Variants in PFKFB3 observed in about 807,000 individuals in gnomAD.
PFKFB3 encodes 6-phosphofructo-2-kinase/fructose-2,6-bisphosphatase 3.
In PFKFB3, 33 loss-of-function variants were observed where a neutral mutation model predicts 68.0. That is an observed-to-expected ratio of 0.49 (90% confidence interval 0.37 to 0.65). The LOEUF is 0.65. Among genes scored for constraint, PFKFB3 ranks in the 30% least tolerant of loss-of-function variants. The pLI is 0.00. For synonymous variants in PFKFB3, 315 were observed against 288.2 expected (o/e 1.09, Z -0.94); for missense variants, 586 against 712.2 (o/e 0.82, Z 2.02).
intron 1 of PFKFB3, among the ~76,000 whole-genome samples, chr10:6,172,883 G>A (rs1173141026): frequency 1.3e-5 from 2 of 151,984 alleles, no homozygotes; most frequent in Non-Finnish European, 2.9e-5. Context: ...AGAGCTAGAT[G>A]TTCCTGTGAC....
chr10:6,161,664 A>G (rs642264), intron 1 of PFKFB3, among the ~76,000 whole-genome samples: 98,068 of 151,108 alleles, frequency 0.65, 33,784 homozygotes, highest in Non-Finnish European at 0.79. Context: ...AGAGAATCTC[A>G]CTTTGTCACC....
chr10:6,225,588 C>T (rs910139023), intron 13 of PFKFB3, among the ~76,000 whole-genome samples: 5 of 152,252 alleles, frequency 3.3e-5, no homozygotes, highest in South Asian at 4.1e-4. Flanking sequence ...CACCCCATCA[C>T]GCTGTCCCTC....
rs1045045311 is a variant in PFKFB3 at position 6,228,472 on chromosome 10, C to T, written c.1515+2107C>T. On this transcript the variant is annotated intron_variant, in intron 14 of 14. Coordinates refer to ENST00000379775, the MANE Select transcript of PFKFB3 (RefSeq NM_004566.4). The surrounding 1 kb of genome is among the most constrained non-coding windows in gnomAD (Gnocchi z 4.5). Reference sequence around the variant, plus strand: ...ACCGCCGCACGACCGCTGGCTTCTCCCCTACCCTCTCAGGGCTGCAGGTCG... The same window carrying T: ...ACCGCCGCACGACCGCTGGCTTCTCTCCTACCCTCTCAGGGCTGCAGGTCG... Among the ~76,000 whole-genome samples, 1 of 152,048 alleles carries T rather than the reference C, an allele frequency of 6.6e-6. No homozygotes were observed. The highest frequency in any genetic ancestry group is 1.5e-5 in the Non-Finnish European group (1 of 68,000).
At chr10:6,249,911 T>C (rs953217780) in intron 14 of PFKFB3, among the ~76,000 whole-genome samples, 2 of 152,224 alleles carry the variant, frequency 1.3e-5, no homozygotes, top group African/African-American at 2.4e-5. Context: ...TTCCACATTG[T>C]ATTCATAAAT....
intron 1 of PFKFB3, among the ~76,000 whole-genome samples, chr10:6,193,032 G>A (rs75648283): frequency 0.067 from 10,225 of 152,172 alleles, 441 homozygotes; most frequent in South Asian, 0.11. Flanking sequence ...CTTCTTATGT[G>A]AGCCAGTACT....
the PFKFB3 span, among the ~76,000 whole-genome samples, chr10:6,320,458 CTTCT>C: frequency 2.9e-4 from 44 of 150,356 alleles, no homozygotes; most frequent in African/African-American, 1.0e-3. Flanking sequence ...GCTTCTTCTT[CTTCT>C]TTTTTTTTTT....
At chr10:6,307,878 T>C in the PFKFB3 span, among the ~76,000 whole-genome samples, 1 of 152,200 alleles carries the variant, frequency 6.6e-6, no homozygotes, top group African/African-American at 2.4e-5. Flanking sequence ...CTCTGTCTCA[T>C]GAATGGATTA....
At chr10:6,160,341 C>A (rs571679563) in intron 1 of PFKFB3, among the ~76,000 whole-genome samples, 2 of 151,894 alleles carry the variant, frequency 1.3e-5, no homozygotes, top group African/African-American at 4.8e-5. Flanking sequence ...TGAGATGAGG[C>A]GAGGACTGTG....
downstream of PFKFB3, among the ~76,000 whole-genome samples, chr10:6,255,315 G>T (rs1046508007): frequency 6.6e-6 from 1 of 151,042 alleles, no homozygotes; most frequent in African/African-American, 2.4e-5. Context: ...GTAGAGATGG[G>T]GTTTCTCCAT....
intron 1 of PFKFB3, among the ~76,000 whole-genome samples, chr10:6,165,758 T>G (rs74611835): frequency 0.011 from 1,643 of 152,284 alleles, 70 homozygotes; most frequent in East Asian, 0.099. Context: ...TTGTTGTAGA[T>G]TATTTCATCA....
the PFKFB3 span, among the ~76,000 whole-genome samples, chr10:6,276,499 C>T: frequency 2.0e-5 from 3 of 152,040 alleles, no homozygotes; most frequent in African/African-American, 7.2e-5. Context: ...AGATTAATTG[C>T]TGGCCTTATC....
rs561024200 is a variant in PFKFB3, at chr10:6,252,127, G to A, written c.1516-2051G>A. On this transcript the variant is annotated intron_variant, in intron 14 of 14. Transcript: ENST00000640683. ...GGCTGCAAGAACCCACTGTTCCTAC[G>A]GAGTGGCTAATACAGAAGTAAAACT... 8.1e-4 allele frequency among the ~76,000 whole-genome samples: 124 copies of A among 152,272 alleles called. 2 individuals are homozygous for A. The South Asian group carries it at 0.017, about 21-fold the overall frequency.
the PFKFB3 span, among the ~76,000 whole-genome samples, chr10:6,312,691 T>G: frequency 6.6e-6 from 1 of 152,180 alleles, no homozygotes; most frequent in Non-Finnish European, 1.5e-5. Context: ...CATTAGCAGA[T>G]TTTTATTAGT....
chr10:6,238,908 T>G (rs1846082366), downstream of PFKFB3, among the ~76,000 whole-genome samples: 1 of 152,236 alleles, frequency 6.6e-6, no homozygotes, highest in Non-Finnish European at 1.5e-5. Context: ...CTCATTCCTT[T>G]TCATGGCTGT....
intron 1 of PFKFB3, among the ~76,000 whole-genome samples, chr10:6,169,745 T>C (rs12569593): frequency 0.011 from 1,649 of 152,288 alleles, 68 homozygotes; most frequent in East Asian, 0.1. Flanking sequence ...TGTCCCAGGG[T>C]GAAATCCCAG....
intron 1 of PFKFB3, among the ~76,000 whole-genome samples, chr10:6,164,278 C>T (rs1842061609): frequency 6.6e-6 from 1 of 152,174 alleles, no homozygotes; most frequent in African/African-American, 2.4e-5. Context: ...GACACAGACT[C>T]CCTGAGGACC....
chr10:6,155,150 G>A (rs1350178918), intron 1 of PFKFB3, among the ~76,000 whole-genome samples: 10 of 151,984 alleles, frequency 6.6e-5, no homozygotes, highest in Admixed American at 5.9e-4. Flanking sequence ...GGTTTACTCC[G>A]GGCACTGAGC....
chr10:6,245,445 C>G (rs1846235207), intron 14 of PFKFB3, among the ~76,000 whole-genome samples: 1 of 150,292 alleles, frequency 6.7e-6, no homozygotes, highest in South Asian at 2.1e-4. Flanking sequence ...GAAACAGGGT[C>G]TGGCTCTGTC....
At chr10:6,256,581 A>G (rs1368708905), downstream of PFKFB3, among the ~76,000 whole-genome samples, 1 of 152,242 alleles carries the variant, frequency 6.6e-6, no homozygotes, top group Non-Finnish European at 1.5e-5. Flanking sequence ...TCTTTCCACA[A>G]GGTGGCTGTT....
Sources: allele counts gnomAD v4.1 joint callset (sites outside exome capture counted in the v4.1 genomes callset), GRCh38; gene constraint gnomAD v4.1.1; non-coding constraint Gnocchi (gnomAD v3.1); transcripts MANE v1.5; gene names NCBI Gene and HGNC (gene_info 2026-07-23, HGNC 2026-07-21).